Variants in ANO3 observed in about 807,000 individuals in gnomAD.
The protein encoded by ANO3 is anoctamin-3.
Under a neutral mutation model 144.8 loss-of-function variants are expected in ANO3, and 99 were observed. The ratio of observed to expected loss-of-function variants is 0.68; its 90% CI spans 0.58 to 0.81. The LOEUF is 0.81. Among genes scored for constraint, ANO3 ranks in the 30% least tolerant of loss-of-function variants. The pLI is 0.00. For missense variants in ANO3, 905 were observed against 1,202.2 expected (o/e 0.75, Z 3.66); for synonymous variants, 414 against 392.6 (o/e 1.05, Z -0.64).
chr11:26,362,298 A>G (rs533574634), intron 1 of ANO3, among the ~76,000 whole-genome samples: 1 of 152,328 alleles, frequency 6.6e-6, no homozygotes, highest in Admixed American at 6.5e-5. Context: ...GTTTTTGTGT[A>G]TATTATCTGT....
At chr11:26,538,325 T>A (rs2134198602) in intron 10 of ANO3, among the ~76,000 whole-genome samples, 1 of 152,274 alleles carries the variant, frequency 6.6e-6, no homozygotes, top group Non-Finnish European at 1.5e-5. Context: ...GAAGCCAATC[T>A]CCAATGTTTA....
In ANO3 at chr11:26,245,018, T is replaced by TGTGTGTGC. The variant is rs151031559; in HGVS notation, c.154+55691_154+55692insTGTGCGTG. ...GTGTGTGTGTGTGTGTGTGTGTGTG[T>TGTGTGTGC]GTGCATGCATGCATTTGTCTTTCAT... On this transcript the variant is annotated intron_variant, in intron 1 of 27. Coordinates refer to the ANO3 transcript ENST00000672621. Among the ~76,000 whole-genome samples, 201 of 145,424 alleles carry TGTGTGTGC rather than the reference T, an allele frequency of 1.4e-3. 2 individuals are homozygous for TGTGTGTGC. The highest frequency in any genetic ancestry group is 2.2e-3 in the Non-Finnish European group (145 of 66,062).
intron 3 of ANO3, among the ~76,000 whole-genome samples, chr11:26,448,836 G>A (rs1311995974): frequency 6.6e-6 from 1 of 152,050 alleles, no homozygotes; most frequent in East Asian, 1.9e-4. Flanking sequence ...TCTGACTACT[G>A]CTTACCACAT....
rs1433248630 is a variant in ANO3, at chr11:26,530,531, A to G, written c.738-674A>G. 2.1e-5 allele frequency among the ~76,000 whole-genome samples: 3 copies of G among 144,132 alleles called. No homozygotes were observed. The Admixed American group carries it at 2.2e-4, about 11-fold the overall frequency. The allele number at this position is 144,132 out of a possible 152,430, so 94.6% of individuals were successfully genotyped here. On this transcript the variant is annotated intron_variant, in intron 7 of 26. Coordinates refer to ENST00000256737, the MANE Select transcript of ANO3 (RefSeq NM_031418.4). ...ATCTATCTACATGTATACACACACCATTTTAATAAATATATTTTGCGCTTA... is the reference window on the plus strand; with the variant it reads ...ATCTATCTACATGTATACACACACCGTTTTAATAAATATATTTTGCGCTTA...
At chr11:26,624,531 C>T in intron 18 of ANO3, 33 bp downstream of exon 18, 1 of 1,492,162 alleles carries the variant, frequency 6.7e-7, no homozygotes, top group Non-Finnish European at 9.3e-7. Flanking sequence ...ACTCCTTAGT[C>T]AGAAAATAAC....
At chr11:26,385,451 T>A (rs1001539514) in intron 1 of ANO3, among the ~76,000 whole-genome samples, 1 of 152,202 alleles carries the variant, frequency 6.6e-6, no homozygotes, top group Non-Finnish European at 1.5e-5. Flanking sequence ...GTATGGCTGA[T>A]TTCTTCTGCA....
intron 1 of ANO3, among the ~76,000 whole-genome samples, chr11:26,234,166 A>C (rs11029410): frequency 0.32 from 48,962 of 152,050 alleles, 8,615 homozygotes; most frequent in Non-Finnish European, 0.38. Context: ...AAGTTCTGAG[A>C]AATAAAAAGT....
chr11:26,649,934 C>T (rs1025691852), intron 24 of ANO3, among the ~76,000 whole-genome samples: 7 of 152,142 alleles, frequency 4.6e-5, no homozygotes, highest in African/African-American at 1.7e-4. Context: ...AGGGAGCCCT[C>T]TTCCATAGCA....
chr11:26,392,056 T>C (rs186531570), intron 1 of ANO3, among the ~76,000 whole-genome samples: 2 of 152,162 alleles, frequency 1.3e-5, no homozygotes, highest in African/African-American at 4.8e-5. Flanking sequence ...TGGAGTGCAT[T>C]CTTTACCCTT....
intron 1 of ANO3, among the ~76,000 whole-genome samples, chr11:26,315,685 CCATCTATCTATCTATCTATCTAT>C (rs1564961783): frequency 7.0e-6 from 1 of 142,268 alleles, no homozygotes; most frequent in African/African-American, 2.6e-5. Context: ...ATCTATCTAT[CCATCTATCTATCTATCTATCTAT>C]CTACCTACCT....
At chr11:26,228,273 A>G (rs925746670) in intron 1 of ANO3, among the ~76,000 whole-genome samples, 4 of 152,240 alleles carry the variant, frequency 2.6e-5, no homozygotes, top group Non-Finnish European at 4.4e-5. Flanking sequence ...AACCAAACAC[A>G]TGAGCTAGTA....
intron 14 of ANO3, chr11:26,563,387 T>TTCTC (rs768122711): frequency 2.4e-5 from 21 of 889,788 alleles, no homozygotes; most frequent in African/African-American, 7.0e-5. Context: ...AATGGTGTGT[T>TTCTC]TCTCTCTCTG....
chr11:26,476,926 T>A (rs1426234074), intron 4 of ANO3, among the ~76,000 whole-genome samples: 1,713 of 145,586 alleles, frequency 0.012, 29 homozygotes, highest in African/African-American at 0.041. Context: ...TGTGTGTGTG[T>A]GTGTGTGAGA....
At chr11:26,653,240 G>A (rs1257563217) in intron 24 of ANO3, among the ~76,000 whole-genome samples, 4 of 152,060 alleles carry the variant, frequency 2.6e-5, no homozygotes, top group Non-Finnish European at 5.9e-5. Context: ...TTTAAAGTCC[G>A]AATTTCATCC....
At chr11:26,265,947 T>C (rs1187982285) in intron 1 of ANO3, among the ~76,000 whole-genome samples, 1 of 152,224 alleles carries the variant, frequency 6.6e-6, no homozygotes, top group Non-Finnish European at 1.5e-5. Context: ...CTTAGTAGCC[T>C]ACTTCACAAG....
At chr11:26,220,798 C>T (rs2133792061) in intron 1 of ANO3, among the ~76,000 whole-genome samples, 1 of 152,270 alleles carries the variant, frequency 6.6e-6, no homozygotes, top group Non-Finnish European at 1.5e-5. Flanking sequence ...CCTAATGGAG[C>T]ATCCCATTCC....
chr11:26,654,790 T>C (rs1853634535), intron 24 of ANO3, among the ~76,000 whole-genome samples: 1 of 152,210 alleles, frequency 6.6e-6, no homozygotes, highest in Non-Finnish European at 1.5e-5. Context: ...GTTTGTTGAA[T>C]AGAGTTTATT....
intron 4 of ANO3, among the ~76,000 whole-genome samples, chr11:26,483,187 G>T (rs1602933): frequency 1.3e-5 from 2 of 151,920 alleles, no homozygotes; most frequent in African/African-American, 4.8e-5. Flanking sequence ...TTCCCACCAA[G>T]AGCCTGTAAA....
At chr11:26,364,853 C>G (rs993033757) in intron 1 of ANO3, among the ~76,000 whole-genome samples, 2 of 152,090 alleles carry the variant, frequency 1.3e-5, no homozygotes, top group African/African-American at 4.8e-5. Flanking sequence ...CTGCACCTGC[C>G]CCACCCCAAA....
Sources: allele counts gnomAD v4.1 joint callset (sites outside exome capture counted in the v4.1 genomes callset), GRCh38; gene constraint gnomAD v4.1.1; transcripts MANE v1.5; gene names NCBI Gene and HGNC (gene_info 2026-07-23, HGNC 2026-07-21).